SLC8A1: variants seen among roughly 807,000 people sequenced by gnomAD.
SLC8A1 encodes solute carrier family 8 member A1.
SLC8A1 carries 18 observed loss-of-function variants against 68.3 expected under a neutral mutation model. The ratio of observed to expected loss-of-function variants is 0.26; its 90% CI spans 0.18 to 0.39. The LOEUF (loss-of-function observed/expected upper bound fraction) is 0.39. Ranked by LOEUF, SLC8A1 falls within the 10% of genes least tolerant of loss-of-function variation. SLC8A1 has a pLI of 1.00. For missense variants in SLC8A1, 985 were observed against 1,156.7 expected (o/e 0.85, Z 2.15); for synonymous variants, 475 against 415.5 (o/e 1.14, Z -1.74).
At chr2:40,167,379 G>A (rs1476583689) in intron 4 of SLC8A1, among the ~76,000 whole-genome samples, 2 of 151,914 alleles carry the variant, frequency 1.3e-5, no homozygotes, top group African/African-American at 2.4e-5. Context: ...TCTATTTGTG[G>A]CAAACGATAC....
At chr2:40,296,053 C>T (rs2070321944) in intron 2 of SLC8A1, among the ~76,000 whole-genome samples, 1 of 152,066 alleles carries the variant, frequency 6.6e-6, no homozygotes, top group Non-Finnish European at 1.5e-5. Flanking sequence ...TGTTATTGCT[C>T]TTGGGTTTTT....
intron 2 of SLC8A1, among the ~76,000 whole-genome samples, chr2:40,355,605 C>T (rs1249449742): frequency 6.6e-6 from 1 of 152,108 alleles, no homozygotes; most frequent in East Asian, 1.9e-4. Context: ...CACACTCTTA[C>T]TGATTACCAC....
exon 2 of SLC8A1, chr2:40,429,388 G>C: frequency 2.5e-6 from 4 of 1,613,756 alleles, no homozygotes; most frequent in Non-Finnish European, 3.4e-6. Context: ...TTCAACATGA[G>C]AATTGACCAC....
At chr2:40,097,399 C>T (rs576268297) in exon 8 of SLC8A1, 5 of 151,972 alleles carry the variant, frequency 3.3e-5, no homozygotes, top group African/African-American at 9.7e-5. Context: ...CAGTTTAACA[C>T]GATTAAACAT....
intron 2 of SLC8A1, chr2:40,195,745 A>G (rs765567608): frequency 6.6e-6 from 1 of 152,056 alleles, no homozygotes; most frequent in Non-Finnish European, 1.5e-5. Flanking sequence ...TTAACAGCGT[A>G]TTTGTACATA....
At chr2:40,402,955 C>T (rs932347295) in intron 2 of SLC8A1, among the ~76,000 whole-genome samples, 6 of 152,152 alleles carry the variant, frequency 3.9e-5, no homozygotes, top group African/African-American at 1.4e-4. Context: ...CAGAGCTGAT[C>T]CACAGTTAAC....
intron 2 of SLC8A1, among the ~76,000 whole-genome samples, chr2:40,323,374 T>A (rs1031917112): frequency 2.6e-5 from 4 of 152,192 alleles, no homozygotes; most frequent in African/African-American, 7.2e-5. Context: ...GCAAATAGAA[T>A]TGTCATGTCT....
chr2:40,182,856 GTTTCT>G (rs1346256960), intron 2 of SLC8A1, among the ~76,000 whole-genome samples: 3 of 152,124 alleles, frequency 2.0e-5, no homozygotes, highest in East Asian at 1.9e-4. Flanking sequence ...TCCTTCTATG[GTTTCT>G]TTTCTTTAAG....
intron 2 of SLC8A1, among the ~76,000 whole-genome samples, chr2:40,389,010 GTA>G (rs1358507065): frequency 6.6e-6 from 1 of 152,048 alleles, no homozygotes; most frequent in Admixed American, 6.6e-5. Context: ...TTAGAAATGT[GTA>G]TATAAATACA....
intron 2 of SLC8A1, among the ~76,000 whole-genome samples, chr2:40,298,157 C>A (rs1424379692): frequency 1.3e-5 from 2 of 152,188 alleles, no homozygotes; most frequent in Admixed American, 1.3e-4. Flanking sequence ...GTTGGGATTA[C>A]AGGTGTGAGC....
chr2:40,340,478 T>C (rs1321004861), intron 2 of SLC8A1, among the ~76,000 whole-genome samples: 1 of 152,108 alleles, frequency 6.6e-6, no homozygotes, highest in Non-Finnish European at 1.5e-5. Flanking sequence ...GGAGAATCAC[T>C]TGAACCTGGG....
intron 2 of SLC8A1, among the ~76,000 whole-genome samples, chr2:40,400,345 G>T (rs1051404240): frequency 1.3e-5 from 2 of 152,060 alleles, no homozygotes; most frequent in South Asian, 4.2e-4. Flanking sequence ...CGAAAGATGA[G>T]GGTACATAAT....
At chr2:40,313,117 C>G (rs1330145839) in intron 2 of SLC8A1, among the ~76,000 whole-genome samples, 1 of 151,982 alleles carries the variant, frequency 6.6e-6, no homozygotes, top group African/African-American at 2.4e-5. Context: ...TCCAAGTAAT[C>G]AATAATTTTA....
chr2:40,206,605 C>A (rs2055499207), intron 2 of SLC8A1, among the ~76,000 whole-genome samples: 1 of 151,980 alleles, frequency 6.6e-6, no homozygotes, highest in South Asian at 2.1e-4. Context: ...AAAAACAAGA[C>A]CCATCAAATG....
chr2:40,354,592 C>CCT (rs772658601), intron 2 of SLC8A1, among the ~76,000 whole-genome samples: 9 of 152,146 alleles, frequency 5.9e-5, no homozygotes, highest in Non-Finnish European at 1.2e-4. Context: ...CTCTACAGAG[C>CCT]ACAGTAGTAA....
intron 2 of SLC8A1, among the ~76,000 whole-genome samples, chr2:40,351,726 G>C (rs80186729): frequency 0.022 from 3,313 of 152,252 alleles, 52 homozygotes; most frequent in African/African-American, 0.04. Flanking sequence ...ATAGGGGAAA[G>C]AGCTTTGACA....
At chr2:40,467,554 T>C (rs536764864) in intron 1 of SLC8A1, among the ~76,000 whole-genome samples, 71 of 152,300 alleles carry the variant, frequency 4.7e-4, no homozygotes, top group African/African-American at 1.6e-3. Flanking sequence ...TTCTACAGAA[T>C]AATGATTTGC....
chr2:40,301,079 A>G (rs2071374450), intron 2 of SLC8A1, among the ~76,000 whole-genome samples: 1 of 152,188 alleles, frequency 6.6e-6, no homozygotes, highest in South Asian at 2.1e-4. Flanking sequence ...GGCTGAAGAT[A>G]GGTGGTCTTC....
At chr2:40,254,590 TTTC>T (rs907179485) in intron 2 of SLC8A1, 24 of 152,150 alleles carry the variant, frequency 1.6e-4, no homozygotes, top group Non-Finnish European at 2.8e-4. Context: ...GGTTTAAAAA[TTTC>T]TTTTTTATTA....
Sources: gnomAD v4.1 joint callset for allele counts (sites outside exome capture counted in the v4.1 genomes callset) on GRCh38, gnomAD v4.1.1 for gene constraint, MANE v1.5 for transcripts, NCBI Gene and HGNC (gene_info 2026-07-23, HGNC 2026-07-21) for gene names.